The following TMEM132D variants were observed in gnomAD, a reference collection of about 807,000 sequenced individuals.
TMEM132D encodes mature OL transmembrane protein.
In TMEM132D, 21 loss-of-function variants were observed where a neutral mutation model predicts 62.3. The ratio of observed to expected loss-of-function variants is 0.34; its 90% CI spans 0.24 to 0.49. The LOEUF (loss-of-function observed/expected upper bound fraction) is 0.49, where lower values mean the gene tolerates loss of function less well. Among genes scored for constraint, TMEM132D ranks in the 20% least tolerant of loss-of-function variants. The pLI is 0.99. For synonymous variants in TMEM132D, 621 were observed against 575.6 expected (o/e 1.08, Z -1.13); for missense variants, 1,346 against 1,402.8 (o/e 0.96, Z 0.65).
intron 3 of TMEM132D, among the ~76,000 whole-genome samples, chr12:129,437,460 TGA>T (rs1872816974): frequency 6.6e-6 from 1 of 152,232 alleles, no homozygotes; most frequent in South Asian, 2.1e-4. Context: ...TAAGTATGAA[TGA>T]ACGGGCATGG....
At chr12:129,310,018 A>G (rs1881935155) in intron 4 of TMEM132D, among the ~76,000 whole-genome samples, 1 of 152,176 alleles carries the variant, frequency 6.6e-6, no homozygotes, top group Non-Finnish European at 1.5e-5. Flanking sequence ...TTCCCAAAAA[A>G]AAAGTGCTAC....
chr12:129,648,569 G>A (rs1330775397), intron 2 of TMEM132D, among the ~76,000 whole-genome samples: 1 of 152,184 alleles, frequency 6.6e-6, no homozygotes, highest in Admixed American at 6.5e-5. Flanking sequence ...GGCAAAGCCT[G>A]TTTTATGCTT....
At chr12:129,285,039 T>C (rs965597965) in intron 4 of TMEM132D, among the ~76,000 whole-genome samples, 1 of 152,216 alleles carries the variant, frequency 6.6e-6, no homozygotes, top group Non-Finnish European at 1.5e-5. Context: ...TTCTCTTCAA[T>C]GTTAATTTGA....
At chr12:129,240,509 C>T (rs1020767122) in intron 4 of TMEM132D, among the ~76,000 whole-genome samples, 7 of 152,004 alleles carry the variant, frequency 4.6e-5, no homozygotes, top group Non-Finnish European at 1.0e-4. Context: ...CAACCTAGAC[C>T]ATATATTGTT....
intron 2 of TMEM132D, among the ~76,000 whole-genome samples, chr12:129,694,395 T>C (rs919894938): frequency 1.3e-5 from 2 of 152,054 alleles, no homozygotes; most frequent in African/African-American, 4.8e-5. Context: ...CCAAAGAAAG[T>C]CTAAGAAATG....
intron 2 of TMEM132D, among the ~76,000 whole-genome samples, chr12:129,693,115 G>A (rs552118671): frequency 2.0e-4 from 30 of 152,176 alleles, no homozygotes; most frequent in African/African-American, 7.0e-4. Context: ...TGAACAAAAA[G>A]CCTATAGGTG....
At chr12:129,778,431 A>C (rs934065911) in intron 1 of TMEM132D, among the ~76,000 whole-genome samples, 2 of 152,170 alleles carry the variant, frequency 1.3e-5, no homozygotes, top group African/African-American at 4.8e-5. Context: ...ATGGACAAGA[A>C]AAACACATCT....
chr12:129,080,732 G>A (rs926111601), intron 7 of TMEM132D, among the ~76,000 whole-genome samples: 3 of 152,150 alleles, frequency 2.0e-5, no homozygotes, highest in South Asian at 2.1e-4. Flanking sequence ...AGGCAGACAC[G>A]CAATATGTCC....
intron 2 of TMEM132D, among the ~76,000 whole-genome samples, chr12:129,626,445 T>C (rs1304502797): frequency 6.7e-6 from 1 of 148,658 alleles, no homozygotes; most frequent in African/African-American, 2.5e-5. Context: ...TGTACTTTTT[T>C]TCTACTTTTA....
chr12:129,726,014 C>CAT, intron 1 of TMEM132D, among the ~76,000 whole-genome samples: 1 of 152,224 alleles, frequency 6.6e-6, no homozygotes, highest in East Asian at 1.9e-4. Context: ...AGAGGATATG[C>CAT]ATGTCACCAG....
At chr12:129,780,339 AG>A (rs5801871) in intron 1 of TMEM132D, among the ~76,000 whole-genome samples, 107,663 of 145,234 alleles carry the variant, frequency 0.74, 39,416 homozygotes, top group Admixed American at 0.78. Context: ...GTTGGTGGGG[AG>A]GGGGGGGGCC....
At chr12:129,618,030 G>A (rs1053738661) in intron 2 of TMEM132D, among the ~76,000 whole-genome samples, 13 of 152,114 alleles carry the variant, frequency 8.5e-5, no homozygotes, top group African/African-American at 2.2e-4. Flanking sequence ...TTCCCAATCC[G>A]TGAAATGAAG....
intron 3 of TMEM132D, among the ~76,000 whole-genome samples, chr12:129,498,975 T>C (rs1215566649): frequency 6.6e-6 from 1 of 152,218 alleles, no homozygotes; most frequent in East Asian, 1.9e-4. Context: ...CTTCTGTTAC[T>C]CTACCTTGGA....
intron 2 of TMEM132D, among the ~76,000 whole-genome samples, chr12:129,580,618 C>T (rs539775839): frequency 1.4e-4 from 21 of 152,186 alleles, no homozygotes; most frequent in East Asian, 9.7e-4. Context: ...GCAGGGGAAT[C>T]GCTTAAACCC....
At chr12:129,883,157 A>C (rs1874651341) in intron 1 of TMEM132D, among the ~76,000 whole-genome samples, 1 of 152,226 alleles carries the variant, frequency 6.6e-6, no homozygotes, top group African/African-American at 2.4e-5. Context: ...CAGATGTCTC[A>C]CAAAAAAATT....
At chr12:129,881,981 A>G (rs1874610959) in intron 1 of TMEM132D, among the ~76,000 whole-genome samples, 1 of 152,096 alleles carries the variant, frequency 6.6e-6, no homozygotes, top group Admixed American at 6.5e-5. Flanking sequence ...AAGGCTAATA[A>G]AGCAATATCA....
chr12:129,150,884 C>T (rs1445659122), intron 5 of TMEM132D, among the ~76,000 whole-genome samples: 2 of 152,212 alleles, frequency 1.3e-5, no homozygotes, highest in Non-Finnish European at 2.9e-5. Context: ...TCCCTGGGCT[C>T]ACCCTGTCTC....
At chr12:129,166,265 A>G (rs1027116084) in intron 5 of TMEM132D, among the ~76,000 whole-genome samples, 1 of 113,172 alleles carries the variant, frequency 8.8e-6, no homozygotes, top group African/African-American at 2.9e-5. Context: ...TGCGGCTACA[A>G]TGGGGATGGG....
intron 2 of TMEM132D, among the ~76,000 whole-genome samples, chr12:129,587,544 T>TA (rs915263846): frequency 4.6e-4 from 68 of 148,864 alleles, no homozygotes; most frequent in African/African-American, 1.3e-3. Flanking sequence ...ACTTAAAAGT[T>TA]AAAAAAAAAA....
Sources: gnomAD v4.1 joint callset for allele counts (sites outside exome capture counted in the v4.1 genomes callset) on GRCh38, gnomAD v4.1.1 for gene constraint, MANE v1.5 for transcripts, NCBI Gene and HGNC (gene_info 2026-07-23, HGNC 2026-07-21) for gene names.